Variants in ACACA observed in about 807,000 individuals in gnomAD.
ACACA encodes acetyl-CoA carboxylase 1.
Under a neutral mutation model 296.1 loss-of-function variants are expected in ACACA, and 103 were observed. The ratio of observed to expected loss-of-function variants is 0.35; its 90% CI spans 0.30 to 0.41. ACACA has a LOEUF of 0.41. Ranked by LOEUF, ACACA falls within the 10% of genes least tolerant of loss-of-function variation. The pLI is 1.00. For synonymous variants in ACACA, 953 were observed against 1,038.6 expected (o/e 0.92, Z 1.58); for missense variants, 1,554 against 2,989.7 (o/e 0.52, Z 11.20).
At chr17:37,197,186 T>C (rs1466018570) in intron 35 of ACACA, among the ~76,000 whole-genome samples, 2 of 152,242 alleles carry the variant, frequency 1.3e-5, no homozygotes, top group Non-Finnish European at 2.9e-5. Context: ...TACGAAGTAT[T>C]GTAAATGCTT....
chr17:37,099,634 A>C (rs368002543), intron 52 of ACACA, among the ~76,000 whole-genome samples: 303 of 89,008 alleles, frequency 3.4e-3, no homozygotes, highest in African/African-American at 0.011. Flanking sequence ...GGGCTGATGG[A>C]GGGAGGGCTG....
At chr17:37,108,166 G>C (rs1341817484) in intron 52 of ACACA, among the ~76,000 whole-genome samples, 5 of 152,000 alleles carry the variant, frequency 3.3e-5, no homozygotes, top group African/African-American at 1.2e-4. Context: ...TTCTTTCTGA[G>C]GTAATTCTTC....
rs1327180477 is a variant in ACACA, at chr17:37,168,355, C to G, written c.5080-6305G>C. ...GATGAAATTGTATTTTTTTTCCATT[C>G]TCCAAATTTTCTTTTTTGTGTTTAT... On this transcript the variant is annotated intron_variant, in intron 41 of 55. Coordinates refer to ENST00000616317, the MANE Select transcript of ACACA (RefSeq NM_198834.3). Among the ~76,000 whole-genome samples, 3 of 151,880 alleles carry G rather than the reference C, an allele frequency of 2.0e-5. No homozygotes were observed. The East Asian group carries it at 5.8e-4, about 29-fold the overall frequency.
chr17:37,366,355 C>A (rs931634398), intron 1 of ACACA, among the ~76,000 whole-genome samples: 1 of 152,050 alleles, frequency 6.6e-6, no homozygotes, highest in African/African-American at 2.4e-5. Flanking sequence ...TTTGTAGAGC[C>A]TTTATCGTCA....
intron 25 of ACACA, among the ~76,000 whole-genome samples, chr17:37,228,787 G>T (rs146071898): frequency 1.6e-4 from 25 of 151,984 alleles, no homozygotes; most frequent in Non-Finnish European, 3.2e-4. Context: ...GCCACAACTC[G>T]ACTCCTCTGT....
Position 37,226,462 on chromosome 17 carries a change from A to C in ACACA, c.3247-10T>G. The C allele has an allele frequency of 6.2e-7, 1 of 1,602,156 alleles. No homozygotes were observed. The highest frequency in any genetic ancestry group is 1.1e-5 in the South Asian group (1 of 90,834). On this transcript the variant is annotated splice_polypyrimidine_tract_variant and intron_variant, in intron 25 of 55. Coordinates refer to ENST00000616317, the MANE Select transcript of ACACA (RefSeq NM_198834.3). ...GGCCACACAACTGATCCTAATTGTT[A>C]ATGTAAAAAAGAACATAGATAGTCA...
intron 1 of ACACA, among the ~76,000 whole-genome samples, chr17:37,377,385 G>T (rs550243264): frequency 2.0e-5 from 3 of 152,040 alleles, no homozygotes; most frequent in African/African-American, 7.2e-5. Flanking sequence ...AGGGCCGGGC[G>T]TGGTGGCTCA....
chr17:37,330,615 C>T (rs944098592), intron 2 of ACACA, among the ~76,000 whole-genome samples, 190 bp from the exon 3 acceptor site: 1 of 152,190 alleles, frequency 6.6e-6, no homozygotes, highest in African/African-American at 2.4e-5. Flanking sequence ...ATCATGATAA[C>T]TATGCCCATA....
At chr17:37,365,059 G>A (rs181090163) in intron 1 of ACACA, among the ~76,000 whole-genome samples, 8 of 152,020 alleles carry the variant, frequency 5.3e-5, no homozygotes, top group East Asian at 3.9e-4. Context: ...TGCAACCTCC[G>A]CCTCCCGGGT....
At chr17:37,220,113 G>A (rs933689472) in intron 29 of ACACA, among the ~76,000 whole-genome samples, 5 of 152,142 alleles carry the variant, frequency 3.3e-5, no homozygotes, top group African/African-American at 1.2e-4. Context: ...GGGAGGGACT[G>A]GCATATAAGT....
chr17:37,298,564 G>A (rs1488964192), intron 3 of ACACA, among the ~76,000 whole-genome samples: 1 of 152,126 alleles, frequency 6.6e-6, no homozygotes, highest in Non-Finnish European at 1.5e-5. Context: ...GTGCATGCCT[G>A]TAGTCCCAGC....
intron 52 of ACACA, among the ~76,000 whole-genome samples, chr17:37,106,664 A>C (rs770586378): frequency 1.7e-4 from 26 of 152,214 alleles, no homozygotes; most frequent in Non-Finnish European, 2.8e-4. Context: ...AATTCTCTGA[A>C]TTCTTCTGGT....
intron 43 of ACACA, 36 bp downstream of exon 43, chr17:37,155,647 G>T: frequency 7.0e-7 from 1 of 1,426,094 alleles, no homozygotes. Flanking sequence ...CCTTTCTTTA[G>T]TCATGACCAA....
At chr17:37,273,843 T>C (rs189670342) in intron 9 of ACACA, among the ~76,000 whole-genome samples, 1 of 152,340 alleles carries the variant, frequency 6.6e-6, no homozygotes, top group East Asian at 1.9e-4. Flanking sequence ...TGTTGTTTGT[T>C]GTCCCCGCCC....
At chr17:37,110,549 T>A (rs943332907) in intron 52 of ACACA, among the ~76,000 whole-genome samples, 3 of 152,184 alleles carry the variant, frequency 2.0e-5, no homozygotes, top group African/African-American at 7.2e-5. Context: ...CAAGTCACCG[T>A]GTTTGGCAGG....
At chr17:37,314,634 CTTTTTTTTTT>C (rs57554348) in intron 3 of ACACA, among the ~76,000 whole-genome samples, 20 of 110,002 alleles carry the variant, frequency 1.8e-4, no homozygotes, top group African/African-American at 5.5e-4. Context: ...GGAATCCACA[CTTTTTTTTTT>C]TTTTTTTTTT....
At chr17:37,258,084 C>T (rs1423041138) in intron 13 of ACACA, 128 bp downstream of exon 13, 11 of 1,256,452 alleles carry the variant, frequency 8.8e-6, no homozygotes, top group South Asian at 1.3e-5. Flanking sequence ...TACTTATCTG[C>T]TCTGAGAAAC....
chr17:37,339,672 T>C, intron 2 of ACACA, 132 bp downstream of exon 2: 5 of 648,498 alleles, frequency 7.7e-6, no homozygotes, highest in Non-Finnish European at 1.4e-5. Flanking sequence ...TCACTTCAGG[T>C]TATCCACCCT....
intron 3 of ACACA, among the ~76,000 whole-genome samples, chr17:37,291,568 CA>C (rs1392163154): frequency 5.9e-5 from 9 of 152,156 alleles, no homozygotes; most frequent in Non-Finnish European, 1.2e-4. Flanking sequence ...TCCTGGGCTA[CA>C]TGCAGTCCAT....
Sources: gnomAD v4.1 joint callset for allele counts (sites outside exome capture counted in the v4.1 genomes callset) on GRCh38, gnomAD v4.1.1 for gene constraint, MANE v1.5 for transcripts, NCBI Gene and HGNC (gene_info 2026-07-23, HGNC 2026-07-21) for gene names.